TRMT11: variants seen among roughly 807,000 people sequenced by gnomAD.
TRMT11 encodes tRNA methyltransferase 11.
A neutral mutation model predicts 62.8 loss-of-function variants in TRMT11; 53 were observed. That is an observed-to-expected ratio of 0.84 (90% CI 0.68 to 1.06). The LOEUF (loss-of-function observed/expected upper bound fraction) is 1.06, where lower values mean the gene tolerates loss of function less well. TRMT11 is among the 50% of genes least tolerant of loss of function. The probability of loss-of-function intolerance (pLI) is 0.00; values close to 1 mark genes in which losing one functional copy is unlikely to be tolerated. For missense variants in TRMT11, 556 were observed against 553.4 expected, an observed-to-expected ratio of 1.00 and a Z score of -0.05; for synonymous variants, 188 against 190.3, an observed-to-expected ratio of 0.99 and a Z score of 0.10.
chr6:126,031,943 T>C (rs1774279724), intron 12 of TRMT11, among the ~76,000 whole-genome samples: 1 of 152,010 alleles, frequency 6.6e-6, no homozygotes, highest in Admixed American at 6.6e-5. Context: ...GAAGCTAGAA[T>C]AGAGATTGTA....
the TRMT11 span, among the ~76,000 whole-genome samples, chr6:126,217,844 T>A: frequency 6.6e-6 from 1 of 152,148 alleles, no homozygotes; most frequent in African/African-American, 2.4e-5. Flanking sequence ...GGCGGCAATT[T>A]TCCCTCAACT....
chr6:126,093,768 G>A (rs949702525), intron 17 of TRMT11, among the ~76,000 whole-genome samples: 1 of 151,108 alleles, frequency 6.6e-6, no homozygotes, highest in Non-Finnish European at 1.5e-5. Flanking sequence ...AGGCACTTAA[G>A]TAGCTTGAGG....
chr6:126,264,348 T>C, the TRMT11 span, among the ~76,000 whole-genome samples: 4 of 152,206 alleles, frequency 2.6e-5, no homozygotes, highest in Non-Finnish European at 4.4e-5. Context: ...AATATGTATA[T>C]ATAGAAAACT....
intron 21 of TRMT11, among the ~76,000 whole-genome samples, chr6:126,157,430 T>C (rs1039401483): frequency 2.6e-5 from 4 of 152,202 alleles, no homozygotes; most frequent in Non-Finnish European, 5.9e-5. Flanking sequence ...CAAAAGCCTT[T>C]GCATTCAGGG....
chr6:126,104,219 A>G (rs1418301024), intron 17 of TRMT11, among the ~76,000 whole-genome samples: 2 of 152,202 alleles, frequency 1.3e-5, no homozygotes, highest in Non-Finnish European at 1.5e-5. Flanking sequence ...ATAACTTGCT[A>G]TGAATAGTCG....
intron 17 of TRMT11, among the ~76,000 whole-genome samples, chr6:126,053,411 A>T (rs963952785): frequency 2.0e-5 from 3 of 152,220 alleles, no homozygotes; most frequent in Admixed American, 1.3e-4. Flanking sequence ...TATAGAAACT[A>T]AACAGTCCAG....
chr6:126,264,302 A>G, the TRMT11 span, among the ~76,000 whole-genome samples: 1 of 152,174 alleles, frequency 6.6e-6, no homozygotes, highest in Non-Finnish European at 1.5e-5. Flanking sequence ...TTCACTTTAA[A>G]TATGCCAATT....
intron 12 of TRMT11, among the ~76,000 whole-genome samples, chr6:126,032,939 A>G (rs1276702386): frequency 6.6e-6 from 1 of 152,188 alleles, no homozygotes; most frequent in African/African-American, 2.4e-5. Context: ...TTGAAAATAC[A>G]TTGAATTTTA....
intron 21 of TRMT11, among the ~76,000 whole-genome samples, chr6:126,139,708 T>G (rs1356881670): frequency 6.7e-6 from 1 of 148,746 alleles, no homozygotes; most frequent in Non-Finnish European, 1.5e-5. Flanking sequence ...ATCTATATAG[T>G]TTTTTTTGAT....
intron 16 of TRMT11, among the ~76,000 whole-genome samples, chr6:126,049,117 T>C (rs556061288): frequency 6.6e-6 from 1 of 152,340 alleles, no homozygotes; most frequent in Admixed American, 6.5e-5. Flanking sequence ...GCTCTACATT[T>C]GTTCTATATT....
At chr6:126,128,615 G>A (rs1393651740) in intron 21 of TRMT11, among the ~76,000 whole-genome samples, 1 of 152,010 alleles carries the variant, frequency 6.6e-6, no homozygotes, top group East Asian at 1.9e-4. Context: ...AATCTTCCTT[G>A]CACATTTTTG....
At chr6:126,012,711 G>C in intron 9 of TRMT11, 60 bp from the exon 10 acceptor site, 1 of 1,299,184 alleles carries the variant, frequency 7.7e-7, no homozygotes, top group Admixed American at 1.8e-5. Flanking sequence ...ATGGCTGTTT[G>C]CCCTTGATCC....
At chr6:126,184,026 T>C (rs1287062723) in intron 1 of TRMT11, among the ~76,000 whole-genome samples, 1 of 152,126 alleles carries the variant, frequency 6.6e-6, no homozygotes, top group Non-Finnish European at 1.5e-5. Context: ...CTAATAATAA[T>C]AGATTATATT....
chr6:126,247,390 ATGAGT>A, the TRMT11 span, among the ~76,000 whole-genome samples: 2 of 151,822 alleles, frequency 1.3e-5, no homozygotes, highest in Non-Finnish European at 2.9e-5. Context: ...AGAAGAACGA[ATGAGT>A]TATCACCGCA....
intron 21 of TRMT11, among the ~76,000 whole-genome samples, chr6:126,138,807 A>G (rs995975733): frequency 2.6e-5 from 4 of 152,204 alleles, no homozygotes; most frequent in African/African-American, 9.6e-5. Context: ...TATCACAATG[A>G]AAGTATTTCA....
intron 17 of TRMT11, among the ~76,000 whole-genome samples, chr6:126,053,680 C>G (rs931025522): frequency 6.6e-6 from 1 of 152,222 alleles, no homozygotes; most frequent in African/African-American, 2.4e-5. Context: ...TGGTCCTTCC[C>G]CACATGGCCC....
chr6:126,269,166 AGGCAGG>A, the TRMT11 span, among the ~76,000 whole-genome samples: 2 of 147,010 alleles, frequency 1.4e-5, no homozygotes, highest in Non-Finnish European at 3.0e-5. Flanking sequence ...TGGGAGGCTG[AGGCAGG>A]AGAATGGCGT....
chr6:126,249,249 C>G, the TRMT11 span, among the ~76,000 whole-genome samples: 1 of 151,974 alleles, frequency 6.6e-6, no homozygotes, highest in African/African-American at 2.4e-5. Flanking sequence ...GATTAAGAAG[C>G]TACGTGACCT....
At chr6:126,162,367 G>A (rs920729329) in intron 21 of TRMT11, among the ~76,000 whole-genome samples, 2 of 152,158 alleles carry the variant, frequency 1.3e-5, no homozygotes, top group African/African-American at 4.8e-5. Flanking sequence ...AGATCAGATG[G>A]TTGTAGATGT....
Sources: gnomAD v4.1 joint callset for allele counts (sites outside exome capture counted in the v4.1 genomes callset) on GRCh38, gnomAD v4.1.1 for gene constraint, MANE v1.5 for transcripts, NCBI Gene and HGNC (gene_info 2026-07-23, HGNC 2026-07-21) for gene names.